ASXL2: variants seen among roughly 807,000 people sequenced by gnomAD.
ASXL2 encodes putative Polycomb group protein ASXL2.
A neutral mutation model predicts 122.0 loss-of-function variants in ASXL2; 23 were observed. The observed-to-expected ratio is 0.19, with a 90% confidence interval of 0.14 to 0.27. The LOEUF (loss-of-function observed/expected upper bound fraction) is 0.27. Among genes scored for constraint, ASXL2 ranks in the 10% least tolerant of loss-of-function variants. The pLI is 1.00. For missense variants in ASXL2, 1,518 were observed against 1,713.8 expected, an observed-to-expected ratio of 0.89 and a Z score of 2.02; for synonymous variants, 650 against 637.0, an observed-to-expected ratio of 1.02 and a Z score of -0.31.
chr2:25,781,690 A>G (rs910752887), intron 5 of ASXL2, among the ~76,000 whole-genome samples: 1 of 127,380 alleles, frequency 7.9e-6, no homozygotes, highest in African/African-American at 3.2e-5. Flanking sequence ...TTTTTTTGAG[A>G]CAGAGTCATT....
intron 2 of ASXL2, among the ~76,000 whole-genome samples, chr2:25,839,663 C>T (rs990800001): frequency 6.8e-6 from 1 of 146,410 alleles, no homozygotes; most frequent in South Asian, 2.2e-4. Context: ...GCTTTGTTGC[C>T]CAGGGCTGGA....
At position 25,845,483 on chromosome 2, in the gene ASXL2, G is replaced by A; in HGVS notation, c.138C>T (p.Ile46=). 4 of 1,461,108 alleles carry A rather than the reference G, an allele frequency of 2.7e-6. No individual in the cohort carries two copies. The highest frequency in any genetic ancestry group is 1.4e-5 in the South Asian group (1 of 71,118). 90.5% of individuals were successfully genotyped at this position (1,461,108 alleles called of 1,614,324 possible). Residue 46 remains isoleucine (I), a splice_region_variant and synonymous_variant, in exon 2 of 13, where the codon ATC becomes ATT. Transcript: ENST00000435504. The part of the protein sequence containing the change: ...QVIQREGLKE[I]RSGTSPLACL... ...CTAAAAATATTTAAATAACTCACCTGATTTCTTTTAGTCCTTCTCTCTGGA... is the reference window on the plus strand; with the variant it reads ...CTAAAAATATTTAAATAACTCACCTAATTTCTTTTAGTCCTTCTCTCTGGA...
intron 1 of ASXL2, among the ~76,000 whole-genome samples, chr2:25,874,029 C>G (rs1476479048): frequency 6.6e-6 from 1 of 152,180 alleles, no homozygotes; most frequent in Non-Finnish European, 1.5e-5. Flanking sequence ...TTTTAATGAG[C>G]CTAATTTTGA....
intron 1 of ASXL2, chr2:25,856,763 C>T: frequency 7.7e-7 from 1 of 1,299,798 alleles, no homozygotes; most frequent in South Asian, 1.2e-5. Context: ...AGCTGCAGAC[C>T]TTCTTCTCAA....
chr2:25,840,718 A>G (rs2089569728), intron 2 of ASXL2, among the ~76,000 whole-genome samples: 1 of 152,250 alleles, frequency 6.6e-6, no homozygotes, highest in South Asian at 2.1e-4. Context: ...CTTAAGACTG[A>G]ATAATATTCC....
At chr2:25,808,319 A>G (rs1354578272) in intron 3 of ASXL2, among the ~76,000 whole-genome samples, 1 of 152,144 alleles carries the variant, frequency 6.6e-6, no homozygotes, top group African/African-American at 2.4e-5. Flanking sequence ...CAGAACTGAG[A>G]AAAGTCAGGA....
intron 4 of ASXL2, among the ~76,000 whole-genome samples, chr2:25,803,167 A>ATGAT (rs1553700348): frequency 8.6e-5 from 13 of 150,876 alleles, no homozygotes; most frequent in African/African-American, 2.7e-4. Context: ...GAATGAATGA[A>ATGAT]TGATTTAGCT....
intron 5 of ASXL2, among the ~76,000 whole-genome samples, chr2:25,787,091 A>G (rs2088760205): frequency 2.0e-5 from 3 of 152,296 alleles, no homozygotes; most frequent in South Asian, 4.1e-4. Context: ...TAATTTTGCA[A>G]TGTTGTTACA....
chr2:25,838,891 T>C (rs1486302271), intron 2 of ASXL2, among the ~76,000 whole-genome samples: 1 of 152,212 alleles, frequency 6.6e-6, no homozygotes. Context: ...TTTGGTTTTA[T>C]TTCCAGTGTC....
chr2:25,829,657 A>T (rs1008469540), intron 3 of ASXL2, among the ~76,000 whole-genome samples: 1 of 152,230 alleles, frequency 6.6e-6, no homozygotes, highest in African/African-American at 2.4e-5. Flanking sequence ...AATTTTACCA[A>T]TTCCTGGCAT....
chr2:25,749,396 T>C (rs982837643), intron 12 of ASXL2, among the ~76,000 whole-genome samples: 37 of 152,166 alleles, frequency 2.4e-4, no homozygotes, highest in African/African-American at 8.7e-4. Context: ...TAAATTATAT[T>C]TGGTCTAAGA....
chr2:25,785,526 C>G (rs963902881), intron 5 of ASXL2, among the ~76,000 whole-genome samples: 4 of 151,162 alleles, frequency 2.6e-5, no homozygotes, highest in African/African-American at 4.9e-5. Context: ...TGCCCACCCC[C>G]CAAACCTTTT....
At chr2:25,798,649 A>G (rs2088947126) in intron 5 of ASXL2, among the ~76,000 whole-genome samples, 1 of 152,144 alleles carries the variant, frequency 6.6e-6, no homozygotes, top group Non-Finnish European at 1.5e-5. Context: ...CTGTAATCCC[A>G]GCTACTTAGG....
chr2:25,828,184 G>A (rs1480442573), intron 3 of ASXL2, among the ~76,000 whole-genome samples: 1 of 152,140 alleles, frequency 6.6e-6, no homozygotes, highest in Non-Finnish European at 1.5e-5. Flanking sequence ...TTCACCTAAA[G>A]AGAAATAAGA....
At chr2:25,845,302 A>G in intron 2 of ASXL2, 179 bp downstream of exon 2, 1 of 1,112,774 alleles carries the variant, frequency 9.0e-7, no homozygotes, top group Non-Finnish European at 1.3e-6. Flanking sequence ...TTCTGGTTTA[A>G]AACTTTCTGG....
intron 5 of ASXL2, among the ~76,000 whole-genome samples, chr2:25,792,389 C>A (rs545203490): frequency 6.6e-6 from 1 of 152,256 alleles, no homozygotes; most frequent in South Asian, 2.1e-4. Context: ...ATAACTTTAT[C>A]CTCCAATGTG....
At chr2:25,860,751 GC>G (rs1299261032) in intron 1 of ASXL2, among the ~76,000 whole-genome samples, 8 of 141,522 alleles carry the variant, frequency 5.7e-5, no homozygotes, top group African/African-American at 2.1e-4. Flanking sequence ...TGGTGCTCAT[GC>G]CTGTAATCCC....
intron 1 of ASXL2, among the ~76,000 whole-genome samples, chr2:25,874,224 C>T (rs1195134308): frequency 6.6e-6 from 1 of 152,122 alleles, no homozygotes; most frequent in Non-Finnish European, 1.5e-5. Context: ...CACAGTGGCT[C>T]ATGCCTGTAA....
Position 25,742,940 on chromosome 2 carries a change from G to A in ASXL2, c.3397C>T (p.Arg1133Trp), listed in dbSNP as rs1285225904. The A allele has an allele frequency of 6.2e-6, 10 of 1,613,934 alleles. No homozygotes were observed. Among genetic ancestry groups the A allele is most frequent in the East Asian group, 4.5e-5 (2 of 44,880 alleles). Residue 1133 changes from arginine to tryptophan, a missense_variant, in exon 13 of 13, where the codon CGG becomes TGG. Physicochemically the swap from Arg to Trp is moderately radical, Grantham distance 101. Around this residue, in one of 8 missense-constraint regions of ASXL2, gnomAD observed 831 missense variants for 833.1 expected, o/e 1.00. Coordinates refer to ENST00000435504, the MANE Select transcript of ASXL2 (RefSeq NM_018263.6). Reference protein sequence around the residue: ...HYLLNISTYGRGSESFRRTHS... With the variant: ...HYLLNISTYGWGSESFRRTHS... Reference sequence around the variant, plus strand: ...GTCCTCCTAAAGCTCTCTGAGCCCCGGCCGTAGGTAGAAATATTCAGTAAG... The same window carrying A: ...GTCCTCCTAAAGCTCTCTGAGCCCCAGCCGTAGGTAGAAATATTCAGTAAG...
Sources: gnomAD v4.1 joint callset for allele counts (sites outside exome capture counted in the v4.1 genomes callset) on GRCh38, gnomAD v4.1.1 for gene constraint, gnomAD v4.1.1 regional missense constraint, MANE v1.5 for transcripts, NCBI Gene and HGNC (gene_info 2026-07-23, HGNC 2026-07-21) for gene names.